RGS7: variants seen among roughly 807,000 people sequenced by gnomAD.
The protein encoded by RGS7 is regulator of G protein signaling 7, also known as regulator of G-protein signaling 7.
A neutral mutation model predicts 81.1 loss-of-function variants in RGS7; 27 were observed. The observed-to-expected ratio is 0.33, with a 90% CI of 0.25 to 0.46. The LOEUF is 0.46. Ranked by LOEUF, RGS7 falls within the 20% of genes least tolerant of loss-of-function variation. The pLI is 1.00. For missense variants in RGS7, 396 were observed against 607.4 expected (o/e 0.65, Z 3.66); for synonymous variants, 208 against 207.7 (o/e 1.00, Z -0.01).
At position 241,083,950 on chromosome 1, in the gene RGS7, G is replaced by A. The variant is rs80276043; in HGVS notation, c.175+14716C>T. Among the ~76,000 whole-genome samples, 1,140 of 152,226 alleles carry A rather than the reference G, an allele frequency of 7.5e-3. 16 individuals are homozygous for A. The highest frequency in any genetic ancestry group is 0.026 in the African/African-American group (1,095 of 41,520). On this transcript the variant is annotated intron_variant, in intron 3 of 18. Transcript: ENST00000440928. ...AGAAGCATCTTAGAACCACCTAGGCGGTCTTATAGGCGTCACAGAAAAATA... is the reference window on the plus strand; with the variant it reads ...AGAAGCATCTTAGAACCACCTAGGCAGTCTTATAGGCGTCACAGAAAAATA...
intron 6 of RGS7, among the ~76,000 whole-genome samples, chr1:240,916,042 C>T (rs1237220756): frequency 2.7e-5 from 4 of 147,852 alleles, no homozygotes; most frequent in Non-Finnish European, 5.9e-5. Context: ...GCAGTCTGAT[C>T]ACTTGAGGCC....
chr1:241,298,873 T>C (rs1322116869), intron 2 of RGS7, among the ~76,000 whole-genome samples: 1 of 152,196 alleles, frequency 6.6e-6, no homozygotes, highest in Non-Finnish European at 1.5e-5. Flanking sequence ...TTTTATTTTA[T>C]TTTTTTCCAC....
At chr1:240,781,630 G>C (rs545689868) in intron 18 of RGS7, among the ~76,000 whole-genome samples, 3 of 152,236 alleles carry the variant, frequency 2.0e-5, no homozygotes, top group African/African-American at 7.2e-5. Context: ...CAAAACCTCT[G>C]TGTGTGGTAT....
intron 3 of RGS7, among the ~76,000 whole-genome samples, chr1:241,075,458 G>T (rs2062737627): frequency 6.6e-6 from 1 of 152,114 alleles, no homozygotes; most frequent in African/African-American, 2.4e-5. Context: ...GCAATTCAGG[G>T]TTCAGTCATC....
intron 6 of RGS7, among the ~76,000 whole-genome samples, chr1:240,894,738 A>C (rs1221109769): frequency 6.6e-6 from 1 of 152,024 alleles, no homozygotes; most frequent in Admixed American, 6.6e-5. Context: ...TTCTAATATA[A>C]ATTTCTTGTC....
At chr1:241,259,786 T>C (rs556793690) in intron 2 of RGS7, among the ~76,000 whole-genome samples, 1 of 151,258 alleles carries the variant, frequency 6.6e-6, no homozygotes, top group South Asian at 2.1e-4. Context: ...GCCACCTGCA[T>C]CTGTCACTGC....
intron 9 of RGS7, among the ~76,000 whole-genome samples, chr1:240,860,462 T>C (rs1018005712): frequency 6.6e-6 from 1 of 152,172 alleles, no homozygotes; most frequent in Non-Finnish European, 1.5e-5. Flanking sequence ...AATATTCCTC[T>C]TTATCTCTGA....
At chr1:241,269,022 G>A (rs548611616) in intron 2 of RGS7, among the ~76,000 whole-genome samples, 19 of 152,262 alleles carry the variant, frequency 1.2e-4, no homozygotes, top group East Asian at 7.7e-4. Flanking sequence ...GGTTTAGTAC[G>A]TGCATAATGA....
At chr1:241,116,017 C>T (rs544487219) in intron 2 of RGS7, among the ~76,000 whole-genome samples, 2 of 152,222 alleles carry the variant, frequency 1.3e-5, no homozygotes, top group Admixed American at 6.5e-5. Flanking sequence ...CTTGCCACCA[C>T]GTGTGCTTCC....
At chr1:241,319,883 G>C (rs537496382) in intron 2 of RGS7, among the ~76,000 whole-genome samples, 1 of 152,222 alleles carries the variant, frequency 6.6e-6, no homozygotes, top group Non-Finnish European at 1.5e-5. Context: ...ACGAGGTCAG[G>C]AGTTCGAGAC....
At chr1:240,942,445 A>G (rs1007110360) in intron 4 of RGS7, among the ~76,000 whole-genome samples, 1 of 152,242 alleles carries the variant, frequency 6.6e-6, no homozygotes, top group African/African-American at 2.4e-5. Flanking sequence ...GCAACGATTA[A>G]TAAAATGCCT....
In RGS7 at chr1:241,312,739, C is replaced by A. The variant is rs557540647; in HGVS notation, c.78+42960G>T. ...AGGCCAATTAATAATGCTACCATGG[C>A]CTCTAAGTGTTAAGTAAAAGGAAGA... On this transcript the variant is annotated intron_variant, in intron 2 of 18. Transcript: ENST00000440928. 1.7e-3 allele frequency among the ~76,000 whole-genome samples: 253 copies of A among 152,222 alleles called. 11 individuals are homozygous for A. In the South Asian group the frequency reaches 0.051, roughly 31 times the overall value.
chr1:241,210,414 C>T (rs113450921), intron 2 of RGS7, among the ~76,000 whole-genome samples: 2,315 of 152,314 alleles, frequency 0.015, 50 homozygotes, highest in African/African-American at 0.051. Flanking sequence ...TCCCAAAGTG[C>T]TGGGATTACA....
chr1:241,319,319 T>C (rs932833080), intron 2 of RGS7, among the ~76,000 whole-genome samples: 4 of 152,188 alleles, frequency 2.6e-5, no homozygotes, highest in African/African-American at 9.6e-5. Flanking sequence ...AATGTAAACA[T>C]GAAATGCTAA....
intron 2 of RGS7, among the ~76,000 whole-genome samples, chr1:241,306,687 T>A (rs949337102): frequency 6.7e-6 from 1 of 150,296 alleles, no homozygotes; most frequent in African/African-American, 2.5e-5. Flanking sequence ...ATGCACACAC[T>A]CTTACACACA....
Position 240,827,595 on chromosome 1 carries a change from AC to A in RGS7, c.610-424del, listed in dbSNP as rs1693066413. 3.3e-5 allele frequency among the ~76,000 whole-genome samples: 5 copies of A among 152,068 alleles called. No individual in the cohort carries two copies. In the South Asian group the frequency reaches 8.3e-4, roughly 25 times the overall value. On this transcript the variant is annotated intron_variant, in intron 9 of 18. Coordinates refer to ENST00000440928, the MANE Select transcript of RGS7 (RefSeq NM_001364886.1). ...AAGTGAGGCTGGGCCGGGCGCAGTG[AC>A]TCATGCCTGTAATCCCAGCACTTTG...
downstream of RGS7, among the ~76,000 whole-genome samples, chr1:240,775,199 C>G (rs1426083942): frequency 2.6e-5 from 4 of 152,316 alleles, no homozygotes; most frequent in African/African-American, 7.2e-5. Context: ...AAGCTTAATT[C>G]AAACAGAAAT....
At chr1:241,202,084 G>C (rs1327109006) in intron 2 of RGS7, among the ~76,000 whole-genome samples, 1 of 150,842 alleles carries the variant, frequency 6.6e-6, no homozygotes, top group Non-Finnish European at 1.5e-5. Flanking sequence ...ACAACAGTTT[G>C]ACTCTGTAAC....
chr1:240,790,897 C>A (rs1221751880), intron 18 of RGS7, among the ~76,000 whole-genome samples: 1 of 152,106 alleles, frequency 6.6e-6, no homozygotes, highest in East Asian at 1.9e-4. Context: ...AAAGCTCTCC[C>A]AATAATCTTT....
Sources: gnomAD v4.1 joint callset for allele counts (sites outside exome capture counted in the v4.1 genomes callset) on GRCh38, gnomAD v4.1.1 for gene constraint, MANE v1.5 for transcripts, NCBI Gene and HGNC (gene_info 2026-07-23, HGNC 2026-07-21) for gene names.